The following PCDH9 variants were observed in gnomAD, a reference collection of about 807,000 sequenced individuals.
PCDH9 encodes protocadherin-9.
A neutral mutation model predicts 70.6 loss-of-function variants in PCDH9; 24 were observed. The observed-to-expected ratio is 0.34, with a 90% CI of 0.25 to 0.48. The LOEUF (loss-of-function observed/expected upper bound fraction) is 0.48, where lower values mean the gene tolerates loss of function less well. PCDH9 is among the 20% of genes least tolerant of loss of function. PCDH9 has a pLI of 0.99. For missense variants in PCDH9, 1,281 were observed against 1,503.6 expected (o/e 0.85, Z 2.45); for synonymous variants, 562 against 558.5 (o/e 1.01, Z -0.09).
chr13:66,483,045 G>C (rs1208780905), intron 4 of PCDH9, among the ~76,000 whole-genome samples: 3 of 152,024 alleles, frequency 2.0e-5, no homozygotes, highest in Non-Finnish European at 4.4e-5. Flanking sequence ...TTTTGCTACT[G>C]GGAAGAACGT....
intron 4 of PCDH9, among the ~76,000 whole-genome samples, chr13:66,363,373 T>A (rs1273696225): frequency 6.6e-6 from 1 of 152,158 alleles, no homozygotes; most frequent in Non-Finnish European, 1.5e-5. Context: ...AAAGTTAAAA[T>A]TAAGATTGTC....
chr13:67,169,818 T>A (rs769453456), intron 2 of PCDH9, among the ~76,000 whole-genome samples: 3 of 152,218 alleles, frequency 2.0e-5, no homozygotes, highest in African/African-American at 7.2e-5. Context: ...TTTACTCTTC[T>A]GTATTTTTTG....
At chr13:67,017,046 T>C (rs544438569) in intron 2 of PCDH9, among the ~76,000 whole-genome samples, 1 of 152,234 alleles carries the variant, frequency 6.6e-6, no homozygotes, top group Non-Finnish European at 1.5e-5. Flanking sequence ...AACTTAGCAA[T>C]GTGGATGCTA....
chr13:66,463,634 G>C (rs942139750), intron 4 of PCDH9, among the ~76,000 whole-genome samples: 1 of 151,780 alleles, frequency 6.6e-6, no homozygotes, highest in Non-Finnish European at 1.5e-5. Context: ...ATGCTTTGTA[G>C]TCTATTTTTT....
intron 4 of PCDH9, among the ~76,000 whole-genome samples, chr13:66,538,687 G>A (rs1381622346): frequency 2.6e-5 from 4 of 152,000 alleles, no homozygotes; most frequent in Non-Finnish European, 5.9e-5. Context: ...ATTATGGAGA[G>A]TGATCTGCAT....
At chr13:66,640,288 T>G (rs972869715) in intron 3 of PCDH9, among the ~76,000 whole-genome samples, 2 of 152,334 alleles carry the variant, frequency 1.3e-5, no homozygotes, top group Middle Eastern at 3.4e-3. Flanking sequence ...ATTCAGTGTC[T>G]ACTACTCAAG....
chr13:67,163,105 A>G (rs527620243), intron 2 of PCDH9, among the ~76,000 whole-genome samples: 1 of 152,308 alleles, frequency 6.6e-6, no homozygotes, highest in South Asian at 2.1e-4. Flanking sequence ...AGGCTTTCAC[A>G]TATTTGGTTA....
intron 2 of PCDH9, chr13:67,223,004 A>G (rs992684720): frequency 1.3e-4 from 20 of 152,084 alleles, no homozygotes; most frequent in Admixed American, 1.2e-3. Context: ...ACATCACACT[A>G]TTTCTTTTTC....
chr13:67,156,442 C>T (rs913655497), intron 2 of PCDH9, among the ~76,000 whole-genome samples: 14 of 151,762 alleles, frequency 9.2e-5, no homozygotes, highest in African/African-American at 2.7e-4. Flanking sequence ...GAAGAGCACA[C>T]CGACAGGACA....
At chr13:66,490,084 A>T (rs551957270) in intron 4 of PCDH9, among the ~76,000 whole-genome samples, 2 of 152,234 alleles carry the variant, frequency 1.3e-5, no homozygotes, top group African/African-American at 4.8e-5. Flanking sequence ...GCACCCATTA[A>T]CTCATCACTT....
intron 2 of PCDH9, among the ~76,000 whole-genome samples, chr13:67,123,955 A>C (rs2086925859): frequency 6.6e-6 from 1 of 152,042 alleles, no homozygotes; most frequent in African/African-American, 2.4e-5. Flanking sequence ...ACAGTATCTT[A>C]ATTCACAAAA....
At chr13:66,502,282 A>G (rs774897450) in intron 4 of PCDH9, among the ~76,000 whole-genome samples, 20 of 152,160 alleles carry the variant, frequency 1.3e-4, no homozygotes, top group Non-Finnish European at 2.8e-4. Context: ...TTGTTGTAGT[A>G]CACATGTACT....
chr13:67,224,909 T>C (rs994327562), intron 2 of PCDH9: 3 of 988,504 alleles, frequency 3.0e-6, no homozygotes, highest in Non-Finnish European at 3.6e-6. Flanking sequence ...ACATTTAATA[T>C]TCTACTATCC....
At chr13:66,736,422 A>T (rs2079149794) in intron 3 of PCDH9, among the ~76,000 whole-genome samples, 1 of 152,228 alleles carries the variant, frequency 6.6e-6, no homozygotes, top group African/African-American at 2.4e-5. Flanking sequence ...AGGTGCCCAC[A>T]GGCCAGCCAA....
chr13:66,392,987 C>A (rs997548761), intron 4 of PCDH9, among the ~76,000 whole-genome samples: 2 of 148,912 alleles, frequency 1.3e-5, no homozygotes, highest in Non-Finnish European at 3.0e-5. Flanking sequence ...CTTTTAAAAT[C>A]TTGCATGTTG....
At chr13:67,038,988 GGGA>G (rs1331494042) in intron 2 of PCDH9, among the ~76,000 whole-genome samples, 1 of 152,182 alleles carries the variant, frequency 6.6e-6, no homozygotes, top group African/African-American at 2.4e-5. Context: ...CAAAACACCA[GGGA>G]GGAGAGGGGG....
intron 4 of PCDH9, among the ~76,000 whole-genome samples, chr13:66,606,862 A>G (rs930156805): frequency 6.6e-6 from 1 of 152,158 alleles, no homozygotes; most frequent in African/African-American, 2.4e-5. Flanking sequence ...CAAATGTTAA[A>G]AGGAAATCTG....
chr13:66,709,075 T>C (rs1246570626), intron 3 of PCDH9, among the ~76,000 whole-genome samples: 2 of 152,224 alleles, frequency 1.3e-5, no homozygotes, highest in Non-Finnish European at 2.9e-5. Context: ...ATTTGTAATA[T>C]ATTGTGAGAT....
chr13:66,759,143 A>G (rs2079583192), intron 3 of PCDH9, among the ~76,000 whole-genome samples: 1 of 151,818 alleles, frequency 6.6e-6, no homozygotes, highest in African/African-American at 2.4e-5. Flanking sequence ...TGCTATCAAT[A>G]TTTACTTTAC....
Sources: gnomAD v4.1 joint callset for allele counts (sites outside exome capture counted in the v4.1 genomes callset) on GRCh38, gnomAD v4.1.1 for gene constraint, MANE v1.5 for transcripts, NCBI Gene and HGNC (gene_info 2026-07-23, HGNC 2026-07-21) for gene names.